Variants in KBTBD3 observed in about 807,000 individuals in gnomAD.
The protein encoded by KBTBD3 is kelch repeat and BTB domain-containing protein 3.
KBTBD3 carries 38 observed loss-of-function variants against 49.6 expected under a neutral mutation model. The observed-to-expected ratio is 0.77, with a 90% CI of 0.59 to 1.00. KBTBD3 has a LOEUF of 1.00. Among genes scored for constraint, KBTBD3 ranks in the 50% least tolerant of loss-of-function variants. KBTBD3 has a pLI of 0.00. For missense variants in KBTBD3, 661 were observed against 712.0 expected (o/e 0.93, Z 0.81); for synonymous variants, 214 against 250.4 (o/e 0.85, Z 1.37).
intron 3 of KBTBD3, chr11:106,058,128 T>C (rs1591534397): frequency 7.7e-6 from 3 of 387,450 alleles, no homozygotes. Flanking sequence ...CTCACACCTG[T>C]AATCCCAGCA....
intron 3 of KBTBD3, 35 bp from the exon 4 acceptor site, chr11:106,054,490 AT>A: frequency 7.0e-7 from 1 of 1,433,290 alleles, no homozygotes; most frequent in Non-Finnish European, 9.2e-7. Flanking sequence ...AACAGCAAGA[AT>A]ATTTTATTCC....
intron 2 of KBTBD3, among the ~76,000 whole-genome samples, chr11:106,063,308 A>G (rs1279770971): frequency 6.6e-6 from 1 of 152,258 alleles, no homozygotes; most frequent in Non-Finnish European, 1.5e-5. Flanking sequence ...TAATTTCTCT[A>G]CTTTGTTTCC....
intron 3 of KBTBD3, 73 bp from the exon 4 acceptor site, chr11:106,054,528 G>T: frequency 8.3e-7 from 1 of 1,206,632 alleles, no homozygotes; most frequent in Non-Finnish European, 1.1e-6. Context: ...TTACCTTAAA[G>T]AGGTTTCCTT....
chr11:106,054,225 A>T lies in KBTBD3; in HGVS notation c.464T>A (p.Leu155Ter). ...GCTATCTGATATAGATAATAACTGT[A>T]AACAATTGACAAGATTAATACTTTT... The part of the protein sequence containing the change: ...LIKSINLVNC[L>*]QLLSISDSYG... Residue 155 changes from leucine to a stop codon, truncating the protein, a stop_gained, in exon 4 of 4, where the codon TTA (leucine) becomes TAA (stop). Coordinates refer to ENST00000531837, the MANE Select transcript of KBTBD3 (RefSeq NM_198439.3). LOFTEE classifies it high-confidence loss of function. 6.2e-7 allele frequency: 1 copy of T among 1,612,314 alleles called. No homozygotes were observed. Among genetic ancestry groups the T allele is most frequent in the Non-Finnish European group, 8.5e-7 (1 of 1,179,098 alleles).
intron 2 of KBTBD3, among the ~76,000 whole-genome samples, chr11:106,067,323 G>A (rs1248496656): frequency 6.6e-6 from 1 of 152,140 alleles, no homozygotes; most frequent in Non-Finnish European, 1.5e-5. Context: ...ATCTATGCAG[G>A]CCAGGCATGG....
chr11:106,058,742 GT>G (rs534533044), intron 3 of KBTBD3, 122 bp downstream of exon 3: 4,548 of 524,716 alleles, frequency 8.7e-3, no homozygotes, highest in South Asian at 9.8e-3. Flanking sequence ...TTTTGTTTTT[GT>G]TTTTTTTTTT....
At chr11:106,060,393 C>T (rs1860664469) in intron 2 of KBTBD3, among the ~76,000 whole-genome samples, 1 of 151,826 alleles carries the variant, frequency 6.6e-6, no homozygotes, top group South Asian at 2.1e-4. Context: ...TATATTTTTG[C>T]AAATCTCTTT....
At chr11:106,068,736 C>CCCA (rs1860860208) in intron 2 of KBTBD3, among the ~76,000 whole-genome samples, 1 of 32,552 alleles carries the variant, frequency 3.1e-5, no homozygotes, top group South Asian at 2.6e-3. Context: ...GTACCCAAAA[C>CCCA]AAACAAACAA....
intron 2 of KBTBD3, among the ~76,000 whole-genome samples, chr11:106,075,161 A>G (rs1861003424): frequency 1.3e-5 from 2 of 152,210 alleles, no homozygotes; most frequent in South Asian, 2.1e-4. Flanking sequence ...GATCAGCACC[A>G]AGCAAGATGA....
chr11:106,053,224 G>C lies in KBTBD3; in HGVS notation c.1465C>G (p.Leu489Val). The change falls in exon 4 of 4, where the codon CTA (leucine) becomes GTA (valine). Residue 489 changes from leucine (L) to valine (V), a missense_variant. Coordinates refer to ENST00000531837, the MANE Select transcript of KBTBD3 (RefSeq NM_198439.3). ...YNATTDQWSELVAEFGQFFHA... is the reference protein window; with the variant it reads ...YNATTDQWSEVVAEFGQFFHA... ...AAAAATTGCCCAAACTCTGCTACTA[G>C]TTCAGACCACTGATCAGTTGTAGCA... 2 of 1,613,636 alleles carry C rather than the reference G, an allele frequency of 1.2e-6. No individual in the cohort carries two copies. Among genetic ancestry groups the C allele is most frequent in the Non-Finnish European group, 1.7e-6 (2 of 1,179,794 alleles).
At chr11:106,055,046 C>G (rs1485034038) in intron 3 of KBTBD3, among the ~76,000 whole-genome samples, 1 of 151,836 alleles carries the variant, frequency 6.6e-6, no homozygotes, top group Non-Finnish European at 1.5e-5. Flanking sequence ...TAAAACTAAA[C>G]AATAACAGTG....
At position 106,069,509 on chromosome 11, in the gene KBTBD3, CA is replaced by C. The variant is rs981867484; in HGVS notation, c.-13+6997del. Among the ~76,000 whole-genome samples the C allele has an allele frequency of 9.2e-4, 126 of 136,242 alleles. 1 individual carries two copies. In the East Asian group the frequency reaches 0.012, roughly 13 times the overall value. The allele number at this position is 136,242 out of a possible 152,430, so 89.4% of individuals were successfully genotyped here. A position where few individuals can be genotyped will look rare whatever the true frequency, so the allele number is the denominator to read the frequency against. ...AACAAAAATTAAAAGTATAATAGTT[CA>C]AAAAAAAAAGAAGTGAAAGAAATAC... On this transcript the variant is annotated intron_variant, in intron 2 of 3. Coordinates refer to ENST00000531837, the MANE Select transcript of KBTBD3 (RefSeq NM_198439.3).
chr11:106,064,671 A>T (rs1860771351), intron 2 of KBTBD3, among the ~76,000 whole-genome samples: 1 of 152,226 alleles, frequency 6.6e-6, no homozygotes, highest in Non-Finnish European at 1.5e-5. Flanking sequence ...AATGTGTTAA[A>T]GCTGTGCAAA....
At chr11:106,066,645 T>C (rs370374109) in intron 2 of KBTBD3, among the ~76,000 whole-genome samples, 1 of 151,592 alleles carries the variant, frequency 6.6e-6, no homozygotes, top group Non-Finnish European at 1.5e-5. Flanking sequence ...ACATACATGA[T>C]AATACCAGCT....
intron 2 of KBTBD3, among the ~76,000 whole-genome samples, chr11:106,061,387 T>A (rs576824938): frequency 8.5e-5 from 13 of 152,334 alleles, no homozygotes; most frequent in African/African-American, 3.1e-4. Context: ...GGTCCCTCAT[T>A]GCTCTAGCCA....
Position 106,054,217 on chromosome 11 carries a change from A to G in KBTBD3, c.472T>C (p.Leu158=). 1 of 1,612,562 alleles carries G rather than the reference A, an allele frequency of 6.2e-7. No homozygotes were observed. The highest frequency in any genetic ancestry group is 1.3e-5 in the African/African-American group (1 of 74,972). The change falls in exon 4 of 4, where the codon TTA becomes CTA. Residue 158 remains leucine, a synonymous_variant. Coordinates refer to ENST00000531837, the MANE Select transcript of KBTBD3 (RefSeq NM_198439.3). ...SINLVNCLQL[L]SISDSYGSTS... Reference sequence around the variant, plus strand: ...GAGCCATAGCTATCTGATATAGATAATAACTGTAAACAATTGACAAGATTA... The same window carrying G: ...GAGCCATAGCTATCTGATATAGATAGTAACTGTAAACAATTGACAAGATTA...
chr11:106,063,005 TAC>T (rs1242241583), intron 2 of KBTBD3, among the ~76,000 whole-genome samples: 15 of 152,242 alleles, frequency 9.9e-5, no homozygotes, highest in Admixed American at 7.2e-4. Flanking sequence ...ATTTATAAAA[TAC>T]ACAGATATGA....
Position 106,053,757 on chromosome 11 carries a change from G to A in KBTBD3, c.932C>T (p.Thr311Ile), listed in dbSNP as rs200394016. Reference sequence around the variant, plus strand: ...ATCAGATTTAATGTTATAGCAAAATGTATATTGATTTTCTCCATTTTCCTC... The same window carrying A: ...ATCAGATTTAATGTTATAGCAAAATATATATTGATTTTCTCCATTTTCCTC... ...KTEENGENQY[T>I]FCYNIKSDSW... The change falls in exon 4 of 4, where the codon ACA becomes ATA. Residue 311 changes from threonine to isoleucine, a missense_variant. Coordinates refer to ENST00000531837, the MANE Select transcript of KBTBD3 (RefSeq NM_198439.3). 6.2e-6 allele frequency: 10 copies of A among 1,613,724 alleles called. No individual in the cohort carries two copies. Among genetic ancestry groups the A allele is most frequent in the South Asian group, 2.2e-5 (2 of 91,086 alleles).
intron 3 of KBTBD3, chr11:106,057,873 G>A (rs1860586768): frequency 2.6e-6 from 1 of 381,872 alleles, no homozygotes; most frequent in African/African-American, 2.1e-5. Context: ...TTCTCGCAGA[G>A]TTATTTTCTT....
Sources: gnomAD v4.1 joint callset for allele counts (sites outside exome capture counted in the v4.1 genomes callset) on GRCh38, gnomAD v4.1.1 for gene constraint, MANE v1.5 for transcripts, NCBI Gene and HGNC (gene_info 2026-07-23, HGNC 2026-07-21) for gene names.